Variants in DCDC1 observed in about 807,000 individuals in gnomAD.
The protein encoded by DCDC1 is doublecortin domain containing 1.
A neutral mutation model predicts 178.3 loss-of-function variants in DCDC1; 200 were observed. The observed-to-expected ratio is 1.12, with a 90% confidence interval of 1.00 to 1.26. DCDC1 has a LOEUF of 1.26. Ranked by LOEUF, DCDC1 falls within the 50% of genes most tolerant of loss-of-function variation. DCDC1 has a pLI of 0.00. For synonymous variants in DCDC1, 690 were observed against 604.8 expected, an observed-to-expected ratio of 1.14 and a Z score of -2.07; for missense variants, 1,983 against 1,749.2, an observed-to-expected ratio of 1.13 and a Z score of -2.38.
chr11:31,039,990 T>C (rs1377715134), intron 20 of DCDC1, among the ~76,000 whole-genome samples: 6 of 152,114 alleles, frequency 3.9e-5, no homozygotes, highest in African/African-American at 1.4e-4. Context: ...AACAATAAAC[T>C]CTTAAAAAGA....
intron 20 of DCDC1, among the ~76,000 whole-genome samples, chr11:30,979,107 T>A (rs1392838744): frequency 1.3e-5 from 2 of 151,792 alleles, no homozygotes; most frequent in Non-Finnish European, 2.9e-5. Flanking sequence ...ATATAAGAAA[T>A]TTGGAGAGGG....
intron 9 of DCDC1, among the ~76,000 whole-genome samples, chr11:31,149,132 C>T (rs1413798382): frequency 2.0e-5 from 3 of 152,160 alleles, no homozygotes; most frequent in Non-Finnish European, 4.4e-5. Flanking sequence ...TTTTCTTAAT[C>T]CACTCATTGG....
At chr11:31,160,564 T>C (rs1966225757) in intron 9 of DCDC1, among the ~76,000 whole-genome samples, 1 of 152,122 alleles carries the variant, frequency 6.6e-6, no homozygotes, top group South Asian at 2.1e-4. Context: ...AGAGTACTCC[T>C]GATTTTCTAG....
chr11:31,103,369 C>T (rs1448834653), intron 14 of DCDC1, among the ~76,000 whole-genome samples: 3 of 152,106 alleles, frequency 2.0e-5, no homozygotes, highest in Non-Finnish European at 4.4e-5. Context: ...CTAAAAACAG[C>T]TTTTATGTTT....
chr11:31,224,858 AATAGATGTTAGCATGGATGTGGCAAAAAG>A (rs1228257085), intron 9 of DCDC1, among the ~76,000 whole-genome samples: 7 of 152,284 alleles, frequency 4.6e-5, no homozygotes, highest in Admixed American at 4.6e-4. Context: ...ATCAAAAAAT[AATAGATGTTAGCATGGATGTGGCAAAAAG>A]AGATGTACCA....
intron 29 of DCDC1, 31 bp downstream of exon 29, chr11:30,908,915 C>A: frequency 6.5e-7 from 1 of 1,540,262 alleles, no homozygotes; most frequent in South Asian, 1.3e-5. Flanking sequence ...CCCTATTTTT[C>A]TTTTATCTTT....
chr11:30,993,889 C>T (rs1348446745), intron 20 of DCDC1, among the ~76,000 whole-genome samples: 1 of 151,928 alleles, frequency 6.6e-6, no homozygotes, highest in Non-Finnish European at 1.5e-5. Context: ...AGAATAATAC[C>T]AATGCTATAT....
intron 20 of DCDC1, among the ~76,000 whole-genome samples, chr11:30,974,688 A>G (rs928713569): frequency 2.6e-5 from 4 of 152,150 alleles, no homozygotes; most frequent in African/African-American, 7.2e-5. Flanking sequence ...GAACAAACCA[A>G]TAAGAAGTAA....
At chr11:31,129,485 C>G (rs1962135897) in intron 10 of DCDC1, among the ~76,000 whole-genome samples, 1 of 151,846 alleles carries the variant, frequency 6.6e-6, no homozygotes, top group African/African-American at 2.4e-5. Context: ...ATTATCTAAC[C>G]CTACAATTGT....
At chr11:31,241,188 G>C (rs964838389) in intron 9 of DCDC1, among the ~76,000 whole-genome samples, 2 of 151,922 alleles carry the variant, frequency 1.3e-5, no homozygotes, top group African/African-American at 2.4e-5. Context: ...TTCCATGTAA[G>C]AAGCTGCCTT....
chr11:31,276,794 T>C (rs1461145337), intron 7 of DCDC1, among the ~76,000 whole-genome samples: 1 of 152,142 alleles, frequency 6.6e-6, no homozygotes, highest in Non-Finnish European at 1.5e-5. Context: ...GCACTAGTAA[T>C]GAACATAAAT....
chr11:31,274,435 C>T (rs1945819885), intron 7 of DCDC1, among the ~76,000 whole-genome samples: 1 of 152,066 alleles, frequency 6.6e-6, no homozygotes, highest in Non-Finnish European at 1.5e-5. Flanking sequence ...CATATCATTA[C>T]ATGTGGAGTA....
At chr11:31,292,600 A>C (rs1446047736) in intron 6 of DCDC1, among the ~76,000 whole-genome samples, 1 of 152,208 alleles carries the variant, frequency 6.6e-6, no homozygotes, top group East Asian at 1.9e-4. Flanking sequence ...GATGGTTGCC[A>C]GCAGCAGGGA....
intron 8 of DCDC1, among the ~76,000 whole-genome samples, chr11:31,264,800 G>C (rs1945031797): frequency 6.6e-6 from 1 of 152,146 alleles, no homozygotes; most frequent in Admixed American, 6.6e-5. Flanking sequence ...TGATGTGCCG[G>C]AGCCAACTTG....
intron 1 of DCDC1, among the ~76,000 whole-genome samples, chr11:31,356,669 A>G (rs1397495281): frequency 2.0e-5 from 3 of 151,216 alleles, no homozygotes; most frequent in Non-Finnish European, 4.4e-5. Context: ...GAAAGGATCA[A>G]CAAAATTGAT....
intron 6 of DCDC1, among the ~76,000 whole-genome samples, chr11:31,301,801 T>C (rs1346318651): frequency 6.6e-6 from 1 of 152,210 alleles, no homozygotes; most frequent in African/African-American, 2.4e-5. Context: ...CTCACACATA[T>C]TCTTGTCAAT....
intron 1 of DCDC1, among the ~76,000 whole-genome samples, chr11:31,368,225 T>A (rs2133441492): frequency 6.6e-6 from 1 of 152,316 alleles, no homozygotes; most frequent in Admixed American, 6.5e-5. Context: ...AAACTATTTC[T>A]TACTTTCCAA....
chr11:31,116,180 G>A (rs907181774), intron 11 of DCDC1, among the ~76,000 whole-genome samples: 1 of 151,666 alleles, frequency 6.6e-6, no homozygotes, highest in Admixed American at 6.6e-5. Context: ...TACTCATAAG[G>A]GGCAGGGAAA....
chr11:30,999,318 A>G (rs1055575996), intron 20 of DCDC1, among the ~76,000 whole-genome samples: 12 of 152,118 alleles, frequency 7.9e-5, no homozygotes, highest in Non-Finnish European at 8.8e-5. Context: ...GTTATGTAAG[A>G]TGTTGGTTAT....
Sources: allele counts gnomAD v4.1 joint callset (sites outside exome capture counted in the v4.1 genomes callset), GRCh38; gene constraint gnomAD v4.1.1; transcripts MANE v1.5; gene names NCBI Gene and HGNC (gene_info 2026-07-23, HGNC 2026-07-21).